Variants in JAKMIP2 observed in about 807,000 individuals in gnomAD.
JAKMIP2 encodes janus kinase and microtubule interacting protein 2, also known as janus kinase and microtubule-interacting protein 2.
In JAKMIP2, 25 loss-of-function variants were observed where a neutral mutation model predicts 115.0. The observed-to-expected ratio is 0.22, with a 90% CI of 0.16 to 0.30. The LOEUF (loss-of-function observed/expected upper bound fraction) is 0.30, where lower values mean the gene tolerates loss of function less well. Among genes scored for constraint, JAKMIP2 ranks in the 10% least tolerant of loss-of-function variants. The pLI, the probability that JAKMIP2 is intolerant of heterozygous loss-of-function variation, is 1.00. For missense variants in JAKMIP2, 642 were observed against 957.6 expected, an observed-to-expected ratio of 0.67 and a Z score of 4.35; for synonymous variants, 334 against 343.6, an observed-to-expected ratio of 0.97 and a Z score of 0.31.
chr5:147,615,278 C>G (rs1014323926), intron 19 of JAKMIP2, among the ~76,000 whole-genome samples: 26 of 152,076 alleles, frequency 1.7e-4, no homozygotes, highest in African/African-American at 6.3e-4. Flanking sequence ...GGGAGAGGAT[C>G]CTGAATGGGT....
At chr5:147,732,560 A>G (rs1409298810) in intron 1 of JAKMIP2, among the ~76,000 whole-genome samples, 2 of 152,208 alleles carry the variant, frequency 1.3e-5, no homozygotes, top group African/African-American at 4.8e-5. Flanking sequence ...GATATAGGAG[A>G]AAACATAAGG....
intron 1 of JAKMIP2, among the ~76,000 whole-genome samples, chr5:147,703,636 A>G (rs73271934): frequency 0.08 from 11,893 of 148,602 alleles, 836 homozygotes; most frequent in East Asian, 0.34. Flanking sequence ...TATGTTTCCC[A>G]GGCTGGTCTC....
chr5:147,753,316 A>C (rs1259498708), intron 1 of JAKMIP2, among the ~76,000 whole-genome samples: 1 of 152,240 alleles, frequency 6.6e-6, no homozygotes, highest in East Asian at 1.9e-4. Flanking sequence ...GAGTTCCTCA[A>C]GCTAGTTGCT....
At position 147,612,377 on chromosome 5, in the gene JAKMIP2, GAAAGA is replaced by G; in HGVS notation, c.2347-11_2347-7del. ...TCTTCTAAGTCACGAATTCTCTGAA[GAAAGA>G]AAAGAAAAGAAAGAAAGCATCAGTA... On this transcript the variant is annotated splice_polypyrimidine_tract_variant and splice_region_variant and intron_variant, in intron 19 of 21. Transcript: ENST00000616793. 5.9e-6 allele frequency: 9 copies of G among 1,517,656 alleles called. No homozygotes were observed. Among genetic ancestry groups the G allele is most frequent in the Middle Eastern group, 1.7e-4 (1 of 5,782 alleles). The allele number at this position is 1,517,656 out of a possible 1,614,324, so 94.0% of individuals were successfully genotyped here.
At chr5:147,694,169 T>A (rs1355847644) in intron 1 of JAKMIP2, among the ~76,000 whole-genome samples, 1 of 152,196 alleles carries the variant, frequency 6.6e-6, no homozygotes. Context: ...TCAGATTTAA[T>A]GTTGACTTGT....
intron 13 of JAKMIP2, among the ~76,000 whole-genome samples, chr5:147,632,240 C>G (rs963969239): frequency 5.3e-5 from 8 of 151,764 alleles, no homozygotes; most frequent in African/African-American, 1.9e-4. Flanking sequence ...CTTATAAATT[C>G]ACATTTACCT....
At chr5:147,596,814 T>A (rs1161107649) in intron 21 of JAKMIP2, among the ~76,000 whole-genome samples, 1 of 152,164 alleles carries the variant, frequency 6.6e-6, no homozygotes, top group Non-Finnish European at 1.5e-5. Flanking sequence ...ATAAACTGAT[T>A]CATCTTAGAC....
intron 1 of JAKMIP2, among the ~76,000 whole-genome samples, chr5:147,763,918 C>G (rs1323876827): frequency 6.6e-6 from 1 of 152,010 alleles, no homozygotes; most frequent in Non-Finnish European, 1.5e-5. Flanking sequence ...AATTAAATAA[C>G]GTTGTAAATG....
intron 19 of JAKMIP2, among the ~76,000 whole-genome samples, chr5:147,615,262 T>G (rs565140886): frequency 1.3e-5 from 2 of 152,336 alleles, no homozygotes; most frequent in Admixed American, 1.3e-4. Flanking sequence ...TTTAAAATTT[T>G]CATCAGGGAG....
intron 1 of JAKMIP2, among the ~76,000 whole-genome samples, chr5:147,769,450 A>G (rs755198517): frequency 6.6e-6 from 1 of 152,124 alleles, no homozygotes; most frequent in African/African-American, 2.4e-5. Flanking sequence ...TCCTTGTTAG[A>G]GCTTTTCAAT....
At chr5:147,775,595 T>C (rs1298546902) in intron 1 of JAKMIP2, among the ~76,000 whole-genome samples, 1 of 152,210 alleles carries the variant, frequency 6.6e-6, no homozygotes, top group Non-Finnish European at 1.5e-5. Flanking sequence ...GATGGATTGT[T>C]AAGTGTTATG....
intron 1 of JAKMIP2, among the ~76,000 whole-genome samples, chr5:147,762,086 G>A (rs533341210): frequency 1.3e-5 from 2 of 151,940 alleles, no homozygotes; most frequent in South Asian, 4.2e-4. Context: ...TGAGAAGAAA[G>A]AAGAAAACTA....
At chr5:147,747,052 T>G (rs1332981864) in intron 1 of JAKMIP2, among the ~76,000 whole-genome samples, 1 of 152,196 alleles carries the variant, frequency 6.6e-6, no homozygotes, top group Non-Finnish European at 1.5e-5. Flanking sequence ...TCAGGTAAGC[T>G]CGAATGTCTT....
intron 1 of JAKMIP2, among the ~76,000 whole-genome samples, chr5:147,764,991 G>GA (rs1755098163): frequency 1.6e-4 from 6 of 37,164 alleles, no homozygotes; most frequent in Admixed American, 3.5e-4. Flanking sequence ...AGAGAGAGAG[G>GA]GAGAGAGAGA....
At chr5:147,776,655 T>C (rs1005973540) in intron 1 of JAKMIP2, among the ~76,000 whole-genome samples, 10 of 152,184 alleles carry the variant, frequency 6.6e-5, no homozygotes, top group Non-Finnish European at 1.2e-4. Flanking sequence ...AGGCTGGGCA[T>C]GGTGGCTCAT....
intron 20 of JAKMIP2, among the ~76,000 whole-genome samples, chr5:147,610,131 C>A (rs1358626720): frequency 6.6e-6 from 1 of 152,100 alleles, no homozygotes; most frequent in Non-Finnish European, 1.5e-5. Context: ...TAACATGCTC[C>A]TTTAGCTCAG....
chr5:147,694,391 C>T (rs944580868), intron 1 of JAKMIP2, among the ~76,000 whole-genome samples: 1 of 152,130 alleles, frequency 6.6e-6, no homozygotes, highest in African/African-American at 2.4e-5. Flanking sequence ...GAACAGGACT[C>T]CTTGATGGGC....
rs369695791 is a variant in JAKMIP2, at chr5:147,705,366, G to A, written c.-148-33412C>T. On this transcript the variant is annotated intron_variant, in intron 1 of 21. Coordinates refer to ENST00000616793, the MANE Select transcript of JAKMIP2 (RefSeq NM_001270941.2). ...GCCTATAATCCTAGCACCTTGGGAG[G>A]TCGAGGTGGATGGATTGCTTGAGCC... Among the ~76,000 whole-genome samples the A allele has an allele frequency of 7.7e-4, 118 of 152,274 alleles. 4 individuals are homozygous for A. In the South Asian group the frequency reaches 0.024, roughly 31 times the overall value.
intron 3 of JAKMIP2, 92 bp downstream of exon 3, chr5:147,660,856 A>C: frequency 2.8e-6 from 4 of 1,416,918 alleles, no homozygotes; most frequent in Non-Finnish European, 3.9e-6. Flanking sequence ...CAATCCACTG[A>C]CAAGAAAACA....
Sources: allele counts gnomAD v4.1 joint callset (sites outside exome capture counted in the v4.1 genomes callset), GRCh38; gene constraint gnomAD v4.1.1; transcripts MANE v1.5; gene names NCBI Gene and HGNC (gene_info 2026-07-23, HGNC 2026-07-21).